Variants in SPSB1 observed in about 807,000 individuals in gnomAD.
The protein encoded by SPSB1 is SPRY domain-containing SOCS box protein 1.
In SPSB1, 8 loss-of-function variants were observed where a neutral mutation model predicts 21.2. The ratio of observed to expected loss-of-function variants is 0.38; its 90% CI spans 0.22 to 0.68. SPSB1 has a LOEUF of 0.68. Ranked by LOEUF, SPSB1 falls within the 30% of genes least tolerant of loss-of-function variation. SPSB1 has a pLI of 0.53. For synonymous variants in SPSB1, 169 were observed against 161.7 expected (o/e 1.05, Z -0.34); for missense variants, 242 against 377.8 (o/e 0.64, Z 2.98).
rs1640610232 is a variant in SPSB1 at position 9,368,268 on chromosome 1, T to C, written c.*693T>C. ...CAGTCCCCTCTCTCTGGCTGTTCTGTTACTTTCCTTCCACCTGTGCCCTCC... is the reference window on the plus strand; with the variant it reads ...CAGTCCCCTCTCTCTGGCTGTTCTGCTACTTTCCTTCCACCTGTGCCCTCC... On this transcript the variant is annotated 3_prime_UTR_variant, in exon 3 of 3. Coordinates refer to ENST00000328089, the MANE Select transcript of SPSB1 (RefSeq NM_025106.4). 6.5e-6 allele frequency: 1 copy of C among 152,734 alleles called. No homozygotes were observed. Among genetic ancestry groups the C allele is most frequent in the Non-Finnish European group, 1.5e-5 (1 of 68,194 alleles). The allele number at this position is 152,734 out of a possible 1,614,324, so 9.5% of individuals were successfully genotyped here.
intron 1 of SPSB1, among the ~76,000 whole-genome samples, chr1:9,328,278 G>T (rs1639851593): frequency 6.6e-6 from 1 of 152,186 alleles, no homozygotes. Flanking sequence ...CCTCCAAACT[G>T]TCATCCCTCA....
At chr1:9,298,621 C>G (rs1042989402) in intron 1 of SPSB1, among the ~76,000 whole-genome samples, 2 of 152,094 alleles carry the variant, frequency 1.3e-5, no homozygotes, top group African/African-American at 2.4e-5. Flanking sequence ...TTAGATTGTT[C>G]GGGGATAACT....
intron 1 of SPSB1, among the ~76,000 whole-genome samples, chr1:9,298,603 G>T (rs1176581953): frequency 6.6e-6 from 1 of 152,130 alleles, no homozygotes; most frequent in Admixed American, 6.5e-5. Context: ...TTGAGGAAAG[G>T]GAAATAATTA....
rs908379005 is a variant in SPSB1 at position 9,305,204 on chromosome 1, C to T, written c.-150+12133C>T. ...TCTCACACTCTTCATGCTGCCTGGT[C>T]CCGCCTCGGCTGGCCCGTTCCTACC... On this transcript the variant is annotated intron_variant, in intron 1 of 2. Transcript: ENST00000328089. The surrounding 1 kb of genome is among the most constrained non-coding windows in gnomAD (Gnocchi z 4.8). Among the ~76,000 whole-genome samples, 1 of 152,204 alleles carries T rather than the reference C, an allele frequency of 6.6e-6. No individual in the cohort carries two copies. The highest frequency in any genetic ancestry group is 1.5e-5 in the Non-Finnish European group (1 of 68,034).
At chr1:9,295,313 G>T (rs1639203491) in intron 1 of SPSB1, among the ~76,000 whole-genome samples, 1 of 151,948 alleles carries the variant, frequency 6.6e-6, no homozygotes, top group African/African-American at 2.4e-5. Context: ...TTCCAGTCTG[G>T]CTACCACCCT....
chr1:9,327,038 G>A (rs1639826672), intron 1 of SPSB1, among the ~76,000 whole-genome samples: 1 of 152,136 alleles, frequency 6.6e-6, no homozygotes, highest in Non-Finnish European at 1.5e-5. Flanking sequence ...TTAGGGGCAG[G>A]TGCTCAGGGC....
chr1:9,303,417 C>T (rs1639365305), intron 1 of SPSB1, among the ~76,000 whole-genome samples: 1 of 152,178 alleles, frequency 6.6e-6, no homozygotes, highest in Admixed American at 6.5e-5. Flanking sequence ...ACCACGTGAC[C>T]AGTTACAGAA....
intron 2 of SPSB1, among the ~76,000 whole-genome samples, chr1:9,361,795 G>A (rs1640484903): frequency 6.6e-6 from 1 of 152,178 alleles, no homozygotes; most frequent in African/African-American, 2.4e-5. Flanking sequence ...ATTGCTGAGT[G>A]GGGAGACACA....
chr1:9,350,668 C>T (rs917396314), intron 1 of SPSB1, among the ~76,000 whole-genome samples: 1 of 152,222 alleles, frequency 6.6e-6, no homozygotes, highest in Non-Finnish European at 1.5e-5. Flanking sequence ...TCTGCTCTCC[C>T]GTTCCAGCCC....
Position 9,356,245 on chromosome 1 carries a change from G to T in SPSB1, c.354G>T (p.Ala118=), listed in dbSNP as rs373505803. ...QRGTHAVVGV[A]TADAPLHSVG... is the part of the protein sequence containing the mutation. ...GCACACACGCCGTGGTGGGGGTGGC[G>T]ACGGCAGACGCCCCCCTGCACTCTG... The change falls in exon 2 of 3, where the codon GCG becomes GCT. Residue 118 remains alanine (A), a synonymous_variant. Transcript: ENST00000328089. The surrounding 1 kb of genome is among the most constrained non-coding windows in gnomAD (Gnocchi z 7.4). The T allele has an allele frequency of 1.2e-6, 2 of 1,607,584 alleles. No homozygotes were observed. Among genetic ancestry groups the T allele is most frequent in the African/African-American group, 2.7e-5 (2 of 74,854 alleles).
Position 9,324,306 on chromosome 1 carries a change from G to A in SPSB1, c.-150+31235G>A, listed in dbSNP as rs961455105. ...CAGCTCTTCATGGCATCGATGAATC[G>A]TGTCCCGATTAGCTGTTGGTGGTGT... On this transcript the variant is annotated intron_variant, in intron 1 of 2. Coordinates refer to ENST00000328089, the MANE Select transcript of SPSB1 (RefSeq NM_025106.4). The surrounding 1 kb of genome is among the most constrained non-coding windows in gnomAD (Gnocchi z 4.3). Among the ~76,000 whole-genome samples, 3 of 152,156 alleles carry A rather than the reference G, an allele frequency of 2.0e-5. No homozygotes were observed. Among genetic ancestry groups the A allele is most frequent in the Non-Finnish European group, 4.4e-5 (3 of 68,024 alleles).
intron 1 of SPSB1, among the ~76,000 whole-genome samples, chr1:9,335,983 T>G (rs1021818999): frequency 1.3e-5 from 2 of 152,198 alleles, no homozygotes; most frequent in Non-Finnish European, 2.9e-5. Flanking sequence ...CATGCAGAGC[T>G]GTGTAAGCAT....
At chr1:9,339,103 G>T in intron 1 of SPSB1, 1 of 552,956 alleles carries the variant, frequency 1.8e-6, no homozygotes, top group Non-Finnish European at 2.3e-6. Flanking sequence ...GGCTGATCCA[G>T]CCCAGGCAAG....
Position 9,348,899 on chromosome 1 carries a change from A to C in SPSB1, c.-149-6844A>C, listed in dbSNP as rs1272355075. Among the ~76,000 whole-genome samples, 1 of 151,858 alleles carries C rather than the reference A, an allele frequency of 6.6e-6. No individual in the cohort carries two copies. The highest frequency in any genetic ancestry group is 6.6e-5 in the Admixed American group (1 of 15,224). On this transcript the variant is annotated intron_variant, in intron 1 of 2. Transcript: ENST00000328089. This position sits in a 1 kb window ranked among gnomAD's most constrained non-coding sequence, Gnocchi z 4.8. ...CACTGGGTTGAGGGCTTTTGCCGTCAAAGGATGTAAGGGACATCCCCTTTC... is the reference window on the plus strand; with the variant it reads ...CACTGGGTTGAGGGCTTTTGCCGTCCAAGGATGTAAGGGACATCCCCTTTC...
At chr1:9,320,420 C>T (rs1639699944) in intron 1 of SPSB1, among the ~76,000 whole-genome samples, 1 of 152,072 alleles carries the variant, frequency 6.6e-6, no homozygotes, top group Non-Finnish European at 1.5e-5. Flanking sequence ...CACGTGTGTG[C>T]AGATATGGGG....
chr1:9,349,177 A>T (rs1376671820), intron 1 of SPSB1, among the ~76,000 whole-genome samples: 1 of 152,130 alleles, frequency 6.6e-6, no homozygotes, highest in East Asian at 1.9e-4. Context: ...CTGCAGGGGA[A>T]GCCAAGGTGA....
At chr1:9,300,068 G>C (rs1475877523) in intron 1 of SPSB1, among the ~76,000 whole-genome samples, 1 of 151,808 alleles carries the variant, frequency 6.6e-6, no homozygotes, top group Non-Finnish European at 1.5e-5. Context: ...TAGCCTTATT[G>C]GTAGGACATT....
rs1640166680 is a variant in SPSB1, at chr1:9,346,361, A to AGGT, written c.-149-9379_-149-9377dup. Among the ~76,000 whole-genome samples, 1 of 152,102 alleles carries AGGT rather than the reference A, an allele frequency of 6.6e-6. No individual in the cohort carries two copies. Among genetic ancestry groups the AGGT allele is most frequent in the African/African-American group, 2.4e-5 (1 of 41,412 alleles). ...CACTGTGGAGGAACTGGGTGTAAGG[A>AGGT]GGTGGGTGAGTGTCTGCCACTCGCT... On this transcript the variant is annotated intron_variant, in intron 1 of 2. Transcript: ENST00000328089. This position sits in a 1 kb window ranked among gnomAD's most constrained non-coding sequence, Gnocchi z 4.4.
At chr1:9,335,335 C>G (rs4908847) in intron 1 of SPSB1, among the ~76,000 whole-genome samples, 74,279 of 151,466 alleles carry the variant, frequency 0.49, 18,969 homozygotes, top group Middle Eastern at 0.6. Flanking sequence ...AACCCCGTCT[C>G]TACTAAAAAT....
Sources: allele counts gnomAD v4.1 joint callset (sites outside exome capture counted in the v4.1 genomes callset), GRCh38; gene constraint gnomAD v4.1.1; non-coding constraint Gnocchi (gnomAD v3.1); transcripts MANE v1.5; gene names NCBI Gene and HGNC (gene_info 2026-07-23, HGNC 2026-07-21).